IGSF21: variants seen among roughly 807,000 people sequenced by gnomAD.
IGSF21 encodes immunoglobulin superfamily member 21.
IGSF21 carries 28 observed loss-of-function variants against 46.8 expected under a neutral mutation model. That is an observed-to-expected ratio of 0.60 (90% CI 0.44 to 0.82). IGSF21 has a LOEUF of 0.82. Ranked by LOEUF, IGSF21 falls within the 40% of genes least tolerant of loss-of-function variation. The pLI is 0.00. For missense variants in IGSF21, 624 were observed against 665.5 expected (o/e 0.94, Z 0.69); for synonymous variants, 284 against 273.6 (o/e 1.04, Z -0.38).
chr1:18,131,004 C>T (rs573155087), intron 1 of IGSF21, among the ~76,000 whole-genome samples: 16 of 152,332 alleles, frequency 1.1e-4, no homozygotes, highest in African/African-American at 2.4e-4. Context: ...CTTTGAGGTC[C>T]GCCTAGGCGG....
intron 4 of IGSF21, among the ~76,000 whole-genome samples, chr1:18,358,007 G>C (rs575258770): frequency 6.6e-6 from 1 of 152,094 alleles, no homozygotes; most frequent in Non-Finnish European, 1.5e-5. Context: ...TGTGGGTGGT[G>C]CGTGTGACTT....
intron 2 of IGSF21, among the ~76,000 whole-genome samples, chr1:18,230,821 A>G (rs974796193): frequency 2.0e-5 from 3 of 152,018 alleles, no homozygotes; most frequent in African/African-American, 7.2e-5. Context: ...CAGCAGCAAC[A>G]GGAGCTCCAG....
In IGSF21 at chr1:18,334,672, T is replaced by C. The variant is rs2085748172; in HGVS notation, c.306-220T>C. ...AGGACCCACTGAGCACAAATTGGGC[T>C]CTGGCTGAACACAGTCCACACCTTC... On this transcript the variant is annotated intron_variant, in intron 3 of 9. Transcript: ENST00000251296. This position sits in a 1 kb window ranked among gnomAD's most constrained non-coding sequence, Gnocchi z 4.3. Among the ~76,000 whole-genome samples, 1 of 152,204 alleles carries C rather than the reference T, an allele frequency of 6.6e-6. No individual in the cohort carries two copies. The highest frequency in any genetic ancestry group is 1.5e-5 in the Non-Finnish European group (1 of 68,034).
intron 1 of IGSF21, among the ~76,000 whole-genome samples, chr1:18,164,405 C>A (rs2086658106): frequency 6.6e-6 from 1 of 152,010 alleles, no homozygotes; most frequent in Non-Finnish European, 1.5e-5. Flanking sequence ...GTCTTTCCCT[C>A]CCTCCATCCA....
intron 1 of IGSF21, among the ~76,000 whole-genome samples, chr1:18,118,163 C>A (rs1158613341): frequency 6.6e-6 from 1 of 152,188 alleles, no homozygotes; most frequent in Non-Finnish European, 1.5e-5. Context: ...CCAAGCTGTT[C>A]CCTTTGCCCT....
intron 1 of IGSF21, among the ~76,000 whole-genome samples, chr1:18,224,926 A>T (rs891553819): frequency 4.6e-5 from 7 of 151,866 alleles, no homozygotes; most frequent in African/African-American, 7.3e-5. Context: ...TTAGCTGGGT[A>T]TGGTGGCAAG....
At chr1:18,198,379 C>A (rs116126470) in intron 1 of IGSF21, among the ~76,000 whole-genome samples, 1 of 152,092 alleles carries the variant, frequency 6.6e-6, no homozygotes, top group African/African-American at 2.4e-5. Context: ...CACATGGGCC[C>A]GTAGGGTGGC....
intron 3 of IGSF21, among the ~76,000 whole-genome samples, chr1:18,331,050 G>A (rs1284413296): frequency 6.6e-6 from 1 of 152,156 alleles, no homozygotes; most frequent in Non-Finnish European, 1.5e-5. Context: ...AATTGATATT[G>A]CTGTTTCATA....
chr1:18,227,827 C>T (rs1487712926), intron 1 of IGSF21, 71 bp from the exon 2 acceptor site: 7 of 1,088,996 alleles, frequency 6.4e-6, no homozygotes, highest in Non-Finnish European at 9.9e-6. Context: ...GTCTCCCTGG[C>T]CCTGCCCTCA....
At chr1:18,191,164 GT>G (rs1439080005) in intron 1 of IGSF21, among the ~76,000 whole-genome samples, 1 of 152,184 alleles carries the variant, frequency 6.6e-6, no homozygotes, top group Non-Finnish European at 1.5e-5. Context: ...CACCCACTCA[GT>G]GCCAGGCCCT....
intron 2 of IGSF21, among the ~76,000 whole-genome samples, chr1:18,270,648 A>G (rs2085033525): frequency 6.6e-6 from 1 of 152,202 alleles, no homozygotes; most frequent in African/African-American, 2.4e-5. Flanking sequence ...GACCAAGGCC[A>G]TGGAGGCGGC....
chr1:18,301,014 T>C (rs2085355791), intron 3 of IGSF21, among the ~76,000 whole-genome samples: 1 of 152,222 alleles, frequency 6.6e-6, no homozygotes, highest in Admixed American at 6.5e-5. Context: ...GTCGAATCAA[T>C]GGGCTGAAGG....
rs57299065 is a variant in IGSF21, at chr1:18,208,483, G to A, written c.71-19415G>A. ...TGCAAGTTCCGCCTCCCGGGTTCAC[G>A]CCATTCTCCTGCCTCAGCCTCCCGA... On this transcript the variant is annotated intron_variant, in intron 1 of 9. Transcript: ENST00000251296. 3.1e-3 allele frequency among the ~76,000 whole-genome samples: 447 copies of A among 145,630 alleles called. 2 individuals are homozygous for A. Among genetic ancestry groups the A allele is most frequent in the African/African-American group, 0.01 (404 of 39,744 alleles).
At chr1:18,234,043 C>G (rs113733229) in intron 2 of IGSF21, among the ~76,000 whole-genome samples, 2 of 152,180 alleles carry the variant, frequency 1.3e-5, no homozygotes, top group African/African-American at 4.8e-5. Context: ...GGTACACTCT[C>G]GGGTGACCAA....
At chr1:18,344,962 C>T (rs1317490131) in intron 4 of IGSF21, among the ~76,000 whole-genome samples, 2 of 152,334 alleles carry the variant, frequency 1.3e-5, no homozygotes, top group East Asian at 3.9e-4. Context: ...CATGGGCTGG[C>T]TGGGATCCAG....
intron 6 of IGSF21, among the ~76,000 whole-genome samples, chr1:18,369,695 TTGAAGA>T (rs1388476480): frequency 6.6e-6 from 1 of 152,200 alleles, no homozygotes; most frequent in East Asian, 1.9e-4. Flanking sequence ...AACAAGGATT[TTGAAGA>T]TCAGGCCAAC....
rs919360174 is a variant in IGSF21 at position 18,109,060 on chromosome 1, A to G, written c.70+862A>G. Among the ~76,000 whole-genome samples, 2 of 147,374 alleles carry G rather than the reference A, an allele frequency of 1.4e-5. No individual in the cohort carries two copies. Among genetic ancestry groups the G allele is most frequent in the Admixed American group, 6.8e-5 (1 of 14,796 alleles). On this transcript the variant is annotated intron_variant, in intron 1 of 9. Transcript: ENST00000251296. This position sits in a 1 kb window ranked among gnomAD's most constrained non-coding sequence, Gnocchi z 4.8. The stretch of plus-strand genomic sequence containing the variant: ...CCCGGGTTAGGCTAAGACAGCTAGA[A>G]GGAGGTTGAAGCCGAGCGGGTTCTC...
At chr1:18,363,174 A>C (rs2086121074) in intron 5 of IGSF21, among the ~76,000 whole-genome samples, 1 of 152,176 alleles carries the variant, frequency 6.6e-6, no homozygotes, top group Admixed American at 6.5e-5. Flanking sequence ...TACCCTTTCA[A>C]TTTTGACATT....
At chr1:18,323,816 T>G (rs2085629683) in intron 3 of IGSF21, among the ~76,000 whole-genome samples, 1 of 152,188 alleles carries the variant, frequency 6.6e-6, no homozygotes, top group East Asian at 1.9e-4. Context: ...GAAACCATTT[T>G]CAGGTTGGGG....
Sources: gnomAD v4.1 joint callset for allele counts (sites outside exome capture counted in the v4.1 genomes callset) on GRCh38, gnomAD v4.1.1 for gene constraint, Gnocchi (gnomAD v3.1) non-coding constraint, MANE v1.5 for transcripts, NCBI Gene and HGNC (gene_info 2026-07-23, HGNC 2026-07-21) for gene names.